Variants in PCDH15 observed in about 807,000 individuals in gnomAD.
PCDH15 encodes the protein protocadherin-15.
PCDH15 carries 129 observed loss-of-function variants against 178.5 expected under a neutral mutation model. That is an observed-to-expected ratio of 0.72 (90% confidence interval 0.63 to 0.84). PCDH15 has a LOEUF of 0.84. PCDH15 is among the 40% of genes least tolerant of loss of function. PCDH15 has a pLI of 0.00. For synonymous variants in PCDH15, 800 were observed against 732.0 expected (o/e 1.09, Z -1.50); for missense variants, 2,230 against 2,099.9 (o/e 1.06, Z -1.21).
chr10:55,078,196 G>A (rs940082460), intron 2 of PCDH15, among the ~76,000 whole-genome samples: 10 of 152,168 alleles, frequency 6.6e-5, no homozygotes, highest in South Asian at 2.1e-4. Flanking sequence ...TAGTCTTATG[G>A]GAGTGTTTTT....
intron 1 of PCDH15, among the ~76,000 whole-genome samples, chr10:55,280,022 T>C (rs924814724): frequency 5.3e-5 from 8 of 152,086 alleles, no homozygotes; most frequent in Admixed American, 4.6e-4. Context: ...ATAAGCAAGA[T>C]GATTTATTGC....
intron 13 of PCDH15, among the ~76,000 whole-genome samples, chr10:54,156,625 C>G (rs1301982952): frequency 6.6e-6 from 1 of 152,188 alleles, no homozygotes; most frequent in Non-Finnish European, 1.5e-5. Flanking sequence ...CAAACCATAT[C>G]ATTCCAACCC....
chr10:55,452,482 T>C (rs1839457989), intron 2 of PCDH15, among the ~76,000 whole-genome samples: 1 of 152,176 alleles, frequency 6.6e-6, no homozygotes, highest in Non-Finnish European at 1.5e-5. Flanking sequence ...GGAATCTAGA[T>C]TCTGGTTTCC....
chr10:55,212,584 T>A (rs936440613), intron 1 of PCDH15, among the ~76,000 whole-genome samples: 1 of 152,004 alleles, frequency 6.6e-6, no homozygotes, highest in African/African-American at 2.4e-5. Flanking sequence ...GAACTTAACA[T>A]CAGTAACTTA....
At chr10:53,862,874 C>T (rs147008108) in intron 27 of PCDH15, among the ~76,000 whole-genome samples, 263 of 152,220 alleles carry the variant, frequency 1.7e-3, no homozygotes, top group African/African-American at 6.1e-3. Flanking sequence ...AGGACACTTT[C>T]GTTGATAGGT....
chr10:54,593,081 C>A (rs559701015), intron 2 of PCDH15, among the ~76,000 whole-genome samples: 1 of 152,032 alleles, frequency 6.6e-6, no homozygotes, highest in African/African-American at 2.4e-5. Context: ...TTGAATATTA[C>A]CTTTTATCAG....
At chr10:54,021,006 A>G (rs537449934) in intron 19 of PCDH15, among the ~76,000 whole-genome samples, 4 of 152,182 alleles carry the variant, frequency 2.6e-5, no homozygotes, top group African/African-American at 7.2e-5. Flanking sequence ...AGTAGTAGTT[A>G]CGCACAAGGT....
At chr10:54,511,153 A>G (rs991107551) in intron 3 of PCDH15, among the ~76,000 whole-genome samples, 1 of 152,198 alleles carries the variant, frequency 6.6e-6, no homozygotes, top group African/African-American at 2.4e-5. Flanking sequence ...ATTTTTAAGA[A>G]TAATTTTTTT....
At chr10:54,946,995 A>C in intron 2 of PCDH15, among the ~76,000 whole-genome samples, 1 of 151,936 alleles carries the variant, frequency 6.6e-6, no homozygotes, top group Admixed American at 6.6e-5. Context: ...CTAAAACACA[A>C]ATAAACAAAA....
At chr10:54,954,666 A>G (rs188957763) in intron 2 of PCDH15, among the ~76,000 whole-genome samples, 18 of 151,412 alleles carry the variant, frequency 1.2e-4, no homozygotes, top group Non-Finnish European at 2.1e-4. Context: ...GATCTGCTTT[A>G]CACTTGTATT....
chr10:55,338,732 G>A lies in PCDH15; in HGVS notation c.-155-172081C>T, dbSNP rs144393935. 5.2e-3 allele frequency among the ~76,000 whole-genome samples: 788 copies of A among 152,148 alleles called. 7 individuals carry two copies. The highest frequency in any genetic ancestry group is 0.024 in the Middle Eastern group (7 of 292). Reference sequence around the variant, plus strand: ...AAATGTTGCAGTGAGCCGAGACCATGTCACTGCACTCCAGCTCAGGTGACA... The same window carrying A: ...AAATGTTGCAGTGAGCCGAGACCATATCACTGCACTCCAGCTCAGGTGACA... On this transcript the variant is annotated intron_variant, in intron 2 of 5. Coordinates refer to the PCDH15 transcript ENST00000613346.
At chr10:54,360,547 G>C (rs1945850399) in intron 5 of PCDH15, among the ~76,000 whole-genome samples, 1 of 151,850 alleles carries the variant, frequency 6.6e-6, no homozygotes, top group Admixed American at 6.6e-5. Flanking sequence ...CATCTTCATG[G>C]GTCCCATTTC....
intron 2 of PCDH15, among the ~76,000 whole-genome samples, chr10:55,105,837 T>C (rs1842661595): frequency 6.6e-6 from 1 of 152,086 alleles, no homozygotes; most frequent in African/African-American, 2.4e-5. Context: ...AATCAATCCA[T>C]AAAAAAGTGA....
rs115182079 is a variant in PCDH15 at position 54,588,159 on chromosome 10, C to T, written c.92-60282G>A. The stretch of plus-strand genomic sequence containing the variant: ...TTATCTGTTTGTTTAAAGTGAATGA[C>T]ACACAGCTTAGTGTTACATCAACAG... On this transcript the variant is annotated intron_variant, in intron 2 of 37. Transcript: ENST00000644397. Among the ~76,000 whole-genome samples the T allele has an allele frequency of 3.5e-3, 527 of 152,164 alleles. 2 individuals carry two copies. The highest frequency in any genetic ancestry group is 0.012 in the African/African-American group (480 of 41,522).
intron 26 of PCDH15, among the ~76,000 whole-genome samples, chr10:53,898,162 T>C (rs2133589971): frequency 6.6e-6 from 1 of 150,612 alleles, no homozygotes; most frequent in East Asian, 2.0e-4. Context: ...GAGACGGGGG[T>C]TTCACCGTGT....
chr10:54,810,529 GA>G, intron 3 of PCDH15, among the ~76,000 whole-genome samples: 1 of 151,746 alleles, frequency 6.6e-6, no homozygotes, highest in Non-Finnish European at 1.5e-5. Flanking sequence ...CAGATTTCAT[GA>G]TTCATATAAT....
intron 23 of PCDH15, among the ~76,000 whole-genome samples, chr10:53,944,614 C>T (rs2086372566): frequency 6.6e-6 from 1 of 152,174 alleles, no homozygotes; most frequent in Admixed American, 6.5e-5. Flanking sequence ...AGAATACTAT[C>T]TTTCAAAGCT....
chr10:54,236,859 A>T lies in PCDH15; in HGVS notation c.949T>A (p.Ser317Thr), dbSNP rs140736502. The change falls in exon 9 of 38, where the codon TCA (serine) becomes ACA (threonine). Residue 317 changes from serine (S) to threonine (T), a missense_variant. Physicochemically the swap from Ser to Thr is moderately conservative, Grantham distance 58. Transcript: ENST00000644397. ...GAATAGAGGATTCCTGGCCTATCTG[A>T]TGGCGGTTGAATATTCCGGTCCTGA... ...IDQDRNIQPPSDRPGILYSIL... is the reference protein window; with the variant it reads ...IDQDRNIQPPTDRPGILYSIL... The T allele has an allele frequency of 1.3e-4, 212 of 1,613,680 alleles. 1 individual carries two copies. The African/African-American group carries it at 2.5e-3, about 19-fold the overall frequency.
At chr10:54,144,160 G>A (rs74135791) in intron 14 of PCDH15, among the ~76,000 whole-genome samples, 3 of 152,144 alleles carry the variant, frequency 2.0e-5, no homozygotes, top group Admixed American at 6.6e-5. Flanking sequence ...CTGGGTGGCC[G>A]TGAAATCACC....
Sources: allele counts gnomAD v4.1 joint callset (sites outside exome capture counted in the v4.1 genomes callset), GRCh38; gene constraint gnomAD v4.1.1; transcripts MANE v1.5; gene names NCBI Gene and HGNC (gene_info 2026-07-23, HGNC 2026-07-21).